CFAP91: variants seen among roughly 807,000 people sequenced by gnomAD.
The protein encoded by CFAP91 is cilia- and flagella-associated protein 91.
A neutral mutation model predicts 95.9 loss-of-function variants in CFAP91; 85 were observed. The observed-to-expected ratio is 0.89, with a 90% CI of 0.74 to 1.06. The LOEUF (loss-of-function observed/expected upper bound fraction) is 1.06. CFAP91 is among the 50% of genes least tolerant of loss of function. The pLI is 0.00. For synonymous variants in CFAP91, 335 were observed against 327.5 expected, an observed-to-expected ratio of 1.02 and a Z score of -0.25; for missense variants, 962 against 943.4, an observed-to-expected ratio of 1.02 and a Z score of -0.26.
At chr3:119,755,258 A>G (rs569094583) in intron 17 of CFAP91, among the ~76,000 whole-genome samples, 14 of 152,334 alleles carry the variant, frequency 9.2e-5, no homozygotes, top group Admixed American at 8.5e-4. Context: ...CTTTGCATGC[A>G]AGAAGAACAT....
intron 6 of CFAP91, among the ~76,000 whole-genome samples, chr3:119,721,480 T>C (rs2053683359): frequency 6.6e-6 from 1 of 152,038 alleles, no homozygotes; most frequent in Non-Finnish European, 1.5e-5. Context: ...TAGCCCAGAG[T>C]TTATCAAGCC....
chr3:119,757,337 A>G (rs940463357), intron 17 of CFAP91, among the ~76,000 whole-genome samples: 10 of 152,184 alleles, frequency 6.6e-5, no homozygotes, highest in Non-Finnish European at 1.0e-4. Flanking sequence ...AGTGGAGAGA[A>G]AAAACATTTA....
intron 12 of CFAP91, among the ~76,000 whole-genome samples, chr3:119,740,203 A>G (rs1280275134): frequency 1.3e-5 from 2 of 152,272 alleles, no homozygotes; most frequent in African/African-American, 2.4e-5. Flanking sequence ...ACATATGGCC[A>G]TGAAAAATGC....
Position 119,708,435 on chromosome 3 carries a change from C to CT in CFAP91, c.360-155dup, listed in dbSNP as rs527456222. Reference sequence around the variant, plus strand: ...GCTCAGGGGAAGAATCATATATACTCTAAGTTGTATGGCAGTCAAATGCAG... The same window carrying CT: ...GCTCAGGGGAAGAATCATATATACTCTTAAGTTGTATGGCAGTCAAATGCAG... On this transcript the variant is annotated intron_variant, in intron 3 of 17. Coordinates refer to ENST00000273390, the MANE Select transcript of CFAP91 (RefSeq NM_033364.4). Among the ~76,000 whole-genome samples the CT allele has an allele frequency of 2.0e-4, 30 of 152,226 alleles. 1 individual carries two copies. In the East Asian group the frequency reaches 5.4e-3, roughly 27 times the overall value.
In CFAP91 at chr3:119,766,566, T is replaced by C. The variant is rs1221359895; in HGVS notation, c.*1516T>C. ...TGACAAGTGAGTTAGGTTGGGCTGA[T>C]GGGATAGAAGGTGGGAGGGGAATGC... On this transcript the variant is annotated 3_prime_UTR_variant, in exon 18 of 18. Transcript: ENST00000273390. 1 of 151,684 alleles carries C rather than the reference T, an allele frequency of 6.6e-6. No individual in the cohort carries two copies. The highest frequency in any genetic ancestry group is 2.4e-5 in the African/African-American group (1 of 41,268). The allele number at this position is 151,684 out of a possible 1,614,324, so 9.4% of individuals were successfully genotyped here. A position where few individuals can be genotyped will look rare whatever the true frequency, so the allele number is the denominator to read the frequency against.
intron 3 of CFAP91, among the ~76,000 whole-genome samples, 163 bp from the exon 4 acceptor site, chr3:119,708,428 A>G (rs1346034991): frequency 6.6e-6 from 1 of 152,146 alleles, no homozygotes; most frequent in Non-Finnish European, 1.5e-5. Context: ...GAAGAATCAT[A>G]TATACTCTAA....
chr3:119,744,597 G>T (rs1025496640), intron 14 of CFAP91, among the ~76,000 whole-genome samples: 1 of 152,150 alleles, frequency 6.6e-6, no homozygotes. Flanking sequence ...AGGAAGTCGA[G>T]TATTACATCC....
chr3:119,744,214 G>A lies in CFAP91; in HGVS notation c.1902+18G>A. 1.3e-6 allele frequency: 2 copies of A among 1,586,326 alleles called. No individual in the cohort carries two copies. The highest frequency in any genetic ancestry group is 1.7e-6 in the Non-Finnish European group (2 of 1,161,278). The stretch of plus-strand genomic sequence containing the variant: ...TTAAGGAGGCAAGTAGGGGCAGCTG[G>A]GTGTGTGGAAGCTGCCTAGAAGGAG... On this transcript the variant is annotated intron_variant, in intron 14 of 17. Coordinates refer to ENST00000273390, the MANE Select transcript of CFAP91 (RefSeq NM_033364.4).
At chr3:119,749,744 C>T (rs181895972) in intron 16 of CFAP91, among the ~76,000 whole-genome samples, 4 of 152,110 alleles carry the variant, frequency 2.6e-5, no homozygotes, top group Admixed American at 1.3e-4. Flanking sequence ...AAATGAGAAC[C>T]ATATGTATTA....
chr3:119,709,233 GA>G (rs1315450271), intron 4 of CFAP91, among the ~76,000 whole-genome samples: 7 of 152,074 alleles, frequency 4.6e-5, no homozygotes, highest in Non-Finnish European at 7.4e-5. Context: ...TATCCTACTG[GA>G]GTTAGAAAAA....
intron 10 of CFAP91, among the ~76,000 whole-genome samples, chr3:119,735,047 A>T (rs1444066601): frequency 6.6e-6 from 1 of 151,950 alleles, no homozygotes; most frequent in East Asian, 1.9e-4. Context: ...ATGATTGTTG[A>T]TAGTATTGTT....
chr3:119,717,122 G>A (rs765061228), intron 6 of CFAP91, among the ~76,000 whole-genome samples: 1 of 152,234 alleles, frequency 6.6e-6, no homozygotes, highest in Non-Finnish European at 1.5e-5. Context: ...GCTGTGCATG[G>A]CAGGGAACCA....
chr3:119,708,832 A>G (rs994461415), intron 4 of CFAP91, among the ~76,000 whole-genome samples, 158 bp downstream of exon 4: 1 of 152,220 alleles, frequency 6.6e-6, no homozygotes, highest in African/African-American at 2.4e-5. Flanking sequence ...ACAGGAATGT[A>G]GGCTAAGATA....
rs749849291 is a variant in CFAP91 at position 119,703,263 on chromosome 3, CTAGGCCAGGT to C, written c.124+42_124+51del. On this transcript the variant is annotated intron_variant, in intron 1 of 17. Transcript: ENST00000273390. ...GACCTTCCTCCGCGTCCGTCGCCTC[CTAGGCCAGGT>C]GGGCTCCCAGATGGTGGGACCTGGC... 8 of 1,603,400 alleles carry C rather than the reference CTAGGCCAGGT, an allele frequency of 5.0e-6. No individual in the cohort carries two copies. In the South Asian group the frequency reaches 8.9e-5, roughly 18 times the overall value.
rs747341452 is a variant in CFAP91 at position 119,740,642 on chromosome 3, G to T, written c.1627G>T (p.Glu543Ter). Reference sequence around the variant, plus strand: ...AGATGAAAAGCTGGTGAAAAAAGCCGAGAAGCAAGTGACCCTGGCCTTACA... The same window carrying T: ...AGATGAAAAGCTGGTGAAAAAAGCCTAGAAGCAAGTGACCCTGGCCTTACA... Reference protein sequence around the residue: ...QEDEKLVKKAEKQVTLALQRQ... With the variant: ...QEDEKLVKKA The change falls in exon 13 of 18, where the codon GAG becomes TAG. Residue 543 changes from glutamate to a stop codon, truncating the protein, a stop_gained. Transcript: ENST00000273390. LOFTEE classifies it high-confidence loss of function. 2.5e-6 allele frequency: 4 copies of T among 1,614,180 alleles called. No individual in the cohort carries two copies. Among genetic ancestry groups the T allele is most frequent in the Non-Finnish European group, 3.4e-6 (4 of 1,180,024 alleles).
Position 119,706,398 on chromosome 3 carries a change from A to G in CFAP91, c.125-411A>G, listed in dbSNP as rs186921417. On this transcript the variant is annotated intron_variant, in intron 1 of 17. Coordinates refer to ENST00000273390, the MANE Select transcript of CFAP91 (RefSeq NM_033364.4). Reference sequence around the variant, plus strand: ...GTGCACCAAATATGGGAGATGGTATAAATGTATTGCTTCTTTCACTTGCAA... The same window carrying G: ...GTGCACCAAATATGGGAGATGGTATGAATGTATTGCTTCTTTCACTTGCAA... 530 of 155,804 alleles carry G rather than the reference A, an allele frequency of 3.4e-3. 3 individuals are homozygous for G. Among genetic ancestry groups the G allele is most frequent in the African/African-American group, 0.012 (508 of 41,656 alleles). The allele number at this position is 155,804 out of a possible 1,614,324, so 9.7% of individuals were successfully genotyped here.
intron 5 of CFAP91, 145 bp downstream of exon 5, chr3:119,710,040 C>T (rs950576457): frequency 1.4e-5 from 9 of 626,234 alleles, no homozygotes; most frequent in African/African-American, 3.7e-5. Flanking sequence ...TCTAGTGTGT[C>T]ATGAGCAGCA....
At chr3:119,731,431 T>G (rs1488941145) in intron 8 of CFAP91, among the ~76,000 whole-genome samples, 1 of 152,218 alleles carries the variant, frequency 6.6e-6, no homozygotes, top group Non-Finnish European at 1.5e-5. Context: ...AAAAGAGCAC[T>G]TAACTGCTAG....
chr3:119,729,262 C>T (rs1046857232), intron 7 of CFAP91, among the ~76,000 whole-genome samples: 1 of 152,026 alleles, frequency 6.6e-6, no homozygotes, highest in Non-Finnish European at 1.5e-5. Context: ...GGTCAGACTT[C>T]TGGGGGAACA....
Sources: allele counts gnomAD v4.1 joint callset (sites outside exome capture counted in the v4.1 genomes callset), GRCh38; gene constraint gnomAD v4.1.1; transcripts MANE v1.5; gene names NCBI Gene and HGNC (gene_info 2026-07-23, HGNC 2026-07-21).